The following NLRP11 variants were observed in gnomAD, a reference collection of about 807,000 sequenced individuals.
NLRP11 encodes the protein NACHT, LRR and PYD domains-containing protein 11.
Under a neutral mutation model 79.3 loss-of-function variants are expected in NLRP11, and 53 were observed. The ratio of observed to expected loss-of-function variants is 0.67; its 90% CI spans 0.54 to 0.84. The LOEUF is 0.84. NLRP11 is among the 40% of genes least tolerant of loss of function. The probability of loss-of-function intolerance (pLI) is 0.00; values close to 1 mark genes in which losing one functional copy is unlikely to be tolerated. For synonymous variants in NLRP11, 518 were observed against 462.6 expected, an observed-to-expected ratio of 1.12 and a Z score of -1.54; for missense variants, 1,264 against 1,255.0, an observed-to-expected ratio of 1.01 and a Z score of -0.11.
intron 1 of NLRP11, among the ~76,000 whole-genome samples, chr19:55,829,860 C>G (rs1982580812): frequency 6.6e-6 from 1 of 152,116 alleles, no homozygotes; most frequent in African/African-American, 2.4e-5. Flanking sequence ...CCACGTATAA[C>G]TTTTGACTTC....
chr19:55,809,244 ACTC>A lies in NLRP11; in HGVS notation c.1363_1365del (p.Glu455del), dbSNP rs947216484. The A allele has an allele frequency of 1.9e-6, 3 of 1,613,928 alleles. No individual in the cohort carries two copies. Among genetic ancestry groups the A allele is most frequent in the Non-Finnish European group, 2.5e-6 (3 of 1,179,868 alleles). ...ATCAGAAATGCAATGGCTGTACAAAACTCCTGGACGTTCAAGTGTATGAACTTG... is the reference window on the plus strand; with the variant it reads ...ATCAGAAATGCAATGGCTGTACAAAACTGGACGTTCAAGTGTATGAACTTG... On this transcript the variant is annotated inframe_deletion, in exon 3 of 10. Coordinates refer to ENST00000589093, the Ensembl canonical transcript of NLRP11. This position sits in a 1 kb window ranked among gnomAD's most constrained non-coding sequence, Gnocchi z 4.5.
At chr19:55,795,493 T>A (rs1263892211) in intron 6 of NLRP11, among the ~76,000 whole-genome samples, 3 of 151,980 alleles carry the variant, frequency 2.0e-5, no homozygotes, top group Non-Finnish European at 4.4e-5. Flanking sequence ...CCATTTTTTA[T>A]TTTTTATTTT....
At chr19:55,819,382 C>T (rs1051672210) in intron 1 of NLRP11, among the ~76,000 whole-genome samples, 1 of 152,134 alleles carries the variant, frequency 6.6e-6, no homozygotes, top group African/African-American at 2.4e-5. Context: ...TTTCCCTTGA[C>T]CAATTTCTAA....
intron 4 of NLRP11, among the ~76,000 whole-genome samples, chr19:55,805,613 C>T (rs1422192041): frequency 6.6e-6 from 1 of 152,040 alleles, no homozygotes; most frequent in Admixed American, 6.6e-5. Flanking sequence ...AATCTCAGCT[C>T]ACCGTGGCCT....
chr19:55,813,866 C>T (rs1980836218), intron 2 of NLRP11, among the ~76,000 whole-genome samples: 1 of 152,128 alleles, frequency 6.6e-6, no homozygotes, highest in South Asian at 2.1e-4. Context: ...TCCAGGAAAG[C>T]CTTCTCTCAA....
At chr19:55,820,354 G>T (rs1416753808) in intron 1 of NLRP11, among the ~76,000 whole-genome samples, 2 of 151,634 alleles carry the variant, frequency 1.3e-5, no homozygotes, top group Admixed American at 1.3e-4. Flanking sequence ...TACAATTTTA[G>T]GGCAAAGGAG....
At chr19:55,830,732 T>C (rs1464550820) in intron 1 of NLRP11, among the ~76,000 whole-genome samples, 9 of 116,188 alleles carry the variant, frequency 7.7e-5, no homozygotes, top group Non-Finnish European at 1.5e-4. Flanking sequence ...TTTAAGTTGG[T>C]TGCTGGAATT....
intron 3 of NLRP11, 77 bp downstream of exon 3, chr19:55,808,692 G>T (rs1980249091): frequency 7.2e-7 from 1 of 1,379,654 alleles, no homozygotes; most frequent in Non-Finnish European, 9.9e-7. Flanking sequence ...AGTTTGTCTT[G>T]TTCTGGTCAA....
At chr19:55,805,698 C>T (rs772268716) in intron 4 of NLRP11, among the ~76,000 whole-genome samples, 3 of 152,032 alleles carry the variant, frequency 2.0e-5, no homozygotes, top group Non-Finnish European at 4.4e-5. Flanking sequence ...TGCCGCCACA[C>T]CCGGCTAATT....
chr19:55,787,487 T>C (rs56919538), intron 9 of NLRP11, among the ~76,000 whole-genome samples: 9,577 of 152,140 alleles, frequency 0.063, 904 homozygotes, highest in African/African-American at 0.21. Context: ...CAGGTATGCA[T>C]CACTACGCCC....
At chr19:55,791,405 G>A (rs1990226684) in intron 7 of NLRP11, among the ~76,000 whole-genome samples, 1 of 152,164 alleles carries the variant, frequency 6.6e-6, no homozygotes, top group African/African-American at 2.4e-5. Context: ...CTGCCCATTT[G>A]TACCAAATTA....
chr19:55,835,591 C>T (rs1310036544), upstream of NLRP11, among the ~76,000 whole-genome samples: 8 of 150,700 alleles, frequency 5.3e-5, no homozygotes, highest in African/African-American at 9.9e-5. Flanking sequence ...CCTGTAATCC[C>T]GGCACTTTGG....
chr19:55,814,601 C>T (rs1325066119), intron 2 of NLRP11, among the ~76,000 whole-genome samples: 1 of 151,970 alleles, frequency 6.6e-6, no homozygotes, highest in Non-Finnish European at 1.5e-5. Flanking sequence ...ATTACTAATT[C>T]TGGAAGAAAA....
chr19:55,796,144 T>C lies in NLRP11; in HGVS notation c.2278A>G (p.Ser760Gly), dbSNP rs1239421382. 2.5e-6 allele frequency: 4 copies of C among 1,613,974 alleles called. No homozygotes were observed. Among genetic ancestry groups the C allele is most frequent in the Non-Finnish European group, 8.5e-7 (1 of 1,180,008 alleles). ...TCACACAGTATGTTCATCCCGTCGC[T>C]CCTCAGCGGATTGCTGGATAAGGTC... The change falls in exon 6 of 10, where the codon AGC (serine) becomes GGC (glycine). Residue 760 changes from serine to glycine, a missense_variant. Coordinates refer to ENST00000589093, the Ensembl canonical transcript of NLRP11.
chr19:55,812,775 G>A (rs1980730474), intron 2 of NLRP11, among the ~76,000 whole-genome samples: 1 of 152,112 alleles, frequency 6.6e-6, no homozygotes, highest in Non-Finnish European at 1.5e-5. Flanking sequence ...TGTCAAGGAC[G>A]TTTTTATTTT....
chr19:55,799,973 A>G (rs926818478), intron 5 of NLRP11, among the ~76,000 whole-genome samples: 9 of 152,180 alleles, frequency 5.9e-5, no homozygotes, highest in African/African-American at 2.2e-4. Flanking sequence ...GTCTCAAAAC[A>G]AAAATGAAAA....
rs533178308 is a variant in NLRP11 at position 55,796,063 on chromosome 19, C to T, written c.2342+17G>A. ...AGTCTGAGCTTCTACGTGGTGAGCTCGTCTAAGCCAACTTACACCAGTGAT... is the reference window on the plus strand; with the variant it reads ...AGTCTGAGCTTCTACGTGGTGAGCTTGTCTAAGCCAACTTACACCAGTGAT... On this transcript the variant is annotated intron_variant, in intron 6 of 9. Transcript: ENST00000589093. 6.5e-5 allele frequency: 104 copies of T among 1,600,212 alleles called. 3 individuals are homozygous for T. Among genetic ancestry groups the T allele is most frequent in the South Asian group, 5.3e-4 (48 of 90,570 alleles).
chr19:55,823,118 C>T (rs1981960664), intron 1 of NLRP11, among the ~76,000 whole-genome samples: 2 of 146,926 alleles, frequency 1.4e-5, no homozygotes, highest in Non-Finnish European at 3.0e-5. Flanking sequence ...GACCCCCAAG[C>T]AGCCTAACTG....
At chr19:55,794,478 T>C (rs376632069) in intron 6 of NLRP11, among the ~76,000 whole-genome samples, 4 of 151,904 alleles carry the variant, frequency 2.6e-5, no homozygotes, top group Admixed American at 6.6e-5. Flanking sequence ...TTTAAAGACA[T>C]GGCTGGACAC....
Sources: allele counts gnomAD v4.1 joint callset (sites outside exome capture counted in the v4.1 genomes callset), GRCh38; gene constraint gnomAD v4.1.1; non-coding constraint Gnocchi (gnomAD v3.1); transcripts MANE v1.5; gene names NCBI Gene and HGNC (gene_info 2026-07-23, HGNC 2026-07-21).